The following TRPS1 variants were observed in gnomAD, a reference collection of about 807,000 sequenced individuals.
TRPS1 encodes the protein zinc finger transcription factor Trps1.
In TRPS1, 6 loss-of-function variants were observed where a neutral mutation model predicts 101.2. That is an observed-to-expected ratio of 0.06 (90% CI 0.03 to 0.12). TRPS1 has a LOEUF of 0.12. TRPS1 is among the 10% of genes least tolerant of loss of function. The pLI is 1.00. For synonymous variants in TRPS1, 578 were observed against 589.8 expected (o/e 0.98, Z 0.29); for missense variants, 1,363 against 1,567.0 (o/e 0.87, Z 2.20).
At chr8:115,457,396 GTAGT>G (rs1196715458) in intron 5 of TRPS1, among the ~76,000 whole-genome samples, 1 of 152,146 alleles carries the variant, frequency 6.6e-6, no homozygotes, top group Non-Finnish European at 1.5e-5. Context: ...CTTATATGAG[GTAGT>G]TAGAGTAGTC....
At chr8:115,577,927 G>C (rs1265551446) in intron 5 of TRPS1, among the ~76,000 whole-genome samples, 2 of 152,138 alleles carry the variant, frequency 1.3e-5, no homozygotes, top group Non-Finnish European at 2.9e-5. Flanking sequence ...AGGGTAGCAG[G>C]AGCATCATCC....
intron 1 of TRPS1, among the ~76,000 whole-genome samples, chr8:115,624,794 T>C (rs768319792): frequency 3.6e-4 from 54 of 152,004 alleles, no homozygotes; most frequent in Non-Finnish European, 6.8e-4. Context: ...TATCTCACTA[T>C]TTAAAGTGCT....
chr8:115,558,180 T>C (rs1447708395), intron 5 of TRPS1, among the ~76,000 whole-genome samples: 1 of 152,120 alleles, frequency 6.6e-6, no homozygotes, highest in Non-Finnish European at 1.5e-5. Flanking sequence ...CTGTAAACTC[T>C]AGTCTAAGAC....
chr8:115,668,019 G>C, intron 1 of TRPS1: 6 of 766,884 alleles, frequency 7.8e-6, no homozygotes, highest in East Asian at 3.9e-5. Context: ...AAATCAGCCA[G>C]AAAGAGACAG....
At chr8:115,467,707 G>A (rs765207970) in intron 5 of TRPS1, among the ~76,000 whole-genome samples, 6 of 152,190 alleles carry the variant, frequency 3.9e-5, no homozygotes, top group African/African-American at 9.6e-5. Context: ...TGAGACTGAC[G>A]TTCAATAGGA....
chr8:115,553,917 TTTA>T (rs1816758099), intron 5 of TRPS1, among the ~76,000 whole-genome samples: 1 of 152,154 alleles, frequency 6.6e-6, no homozygotes, highest in African/African-American at 2.4e-5. Context: ...CTTCAATGAA[TTTA>T]TTATCAGGCT....
chr8:115,613,734 G>A (rs895723492), intron 3 of TRPS1, among the ~76,000 whole-genome samples: 2 of 152,064 alleles, frequency 1.3e-5, no homozygotes, highest in African/African-American at 4.8e-5. Context: ...GTAAAAAACT[G>A]AGCTCCACAT....
chr8:115,558,513 C>T (rs1816876873), intron 5 of TRPS1, among the ~76,000 whole-genome samples: 1 of 152,190 alleles, frequency 6.6e-6, no homozygotes, highest in South Asian at 2.1e-4. Flanking sequence ...CACAACTAAT[C>T]TTGCTTCTCA....
intron 6 of TRPS1, among the ~76,000 whole-genome samples, chr8:115,415,324 T>A (rs1022395982): frequency 6.6e-6 from 1 of 152,204 alleles, no homozygotes; most frequent in African/African-American, 2.4e-5. Flanking sequence ...AACTTTAATC[T>A]ACTTGAAAAT....
chr8:115,642,731 G>A (rs962660124), intron 1 of TRPS1, among the ~76,000 whole-genome samples: 4 of 151,246 alleles, frequency 2.6e-5, no homozygotes, highest in African/African-American at 9.7e-5. Context: ...AAAATGCTTT[G>A]ATAATCTAAC....
intron 5 of TRPS1, among the ~76,000 whole-genome samples, chr8:115,459,720 C>T (rs949109896): frequency 6.6e-6 from 1 of 152,128 alleles, no homozygotes; most frequent in Non-Finnish European, 1.5e-5. Context: ...GTTAGTTACA[C>T]TATGAAATCC....
intron 5 of TRPS1, among the ~76,000 whole-genome samples, chr8:115,477,291 A>AT (rs1008329042): frequency 3.3e-5 from 5 of 152,182 alleles, no homozygotes; most frequent in African/African-American, 1.2e-4. Context: ...TAAGAAATGT[A>AT]TTTTTTCAGC....
intron 1 of TRPS1, chr8:115,667,958 T>A (rs903593871): frequency 6.6e-7 from 1 of 1,513,528 alleles, no homozygotes; most frequent in Non-Finnish European, 8.9e-7. Context: ...CGGCGGCCCC[T>A]CGGGTCCAAC....
chr8:115,596,757 T>C (rs985924253), intron 4 of TRPS1, among the ~76,000 whole-genome samples: 4 of 151,838 alleles, frequency 2.6e-5, no homozygotes, highest in Admixed American at 6.6e-5. Flanking sequence ...ATATTTCAGA[T>C]GTATTTATCC....
At chr8:115,611,116 C>CA (rs752834152) in intron 3 of TRPS1, among the ~76,000 whole-genome samples, 5,634 of 64,828 alleles carry the variant, frequency 0.087, 259 homozygotes, top group East Asian at 0.38. Context: ...GACTCCATAT[C>CA]AAAAAAAAAA....
At chr8:115,533,438 T>G (rs998375536) in intron 5 of TRPS1, among the ~76,000 whole-genome samples, 2 of 118,418 alleles carry the variant, frequency 1.7e-5, no homozygotes, top group African/African-American at 7.9e-5. Context: ...TGTAATCTGT[T>G]TTTTTTTTTT....
At chr8:115,424,705 A>T (rs911084292) in intron 5 of TRPS1, among the ~76,000 whole-genome samples, 2 of 152,180 alleles carry the variant, frequency 1.3e-5, no homozygotes, top group African/African-American at 4.8e-5. Context: ...CCTTTGTAAA[A>T]ACGTGTAACA....
intron 5 of TRPS1, among the ~76,000 whole-genome samples, chr8:115,566,430 TC>T (rs892032007): frequency 4.6e-5 from 7 of 152,212 alleles, no homozygotes; most frequent in Admixed American, 4.6e-4. Flanking sequence ...GCTAGTGAGC[TC>T]CAGGTTATGT....
chr8:115,607,503 T>C (rs1240291226), intron 3 of TRPS1, among the ~76,000 whole-genome samples: 2 of 151,774 alleles, frequency 1.3e-5, no homozygotes, highest in African/African-American at 2.4e-5. Flanking sequence ...TATATTTTAA[T>C]TATGCTGAAG....
Sources: gnomAD v4.1 joint callset for allele counts (sites outside exome capture counted in the v4.1 genomes callset) on GRCh38, gnomAD v4.1.1 for gene constraint, MANE v1.5 for transcripts, NCBI Gene and HGNC (gene_info 2026-07-23, HGNC 2026-07-21) for gene names.